Variants in DNM2 observed in about 807,000 individuals in gnomAD.
DNM2 encodes the protein dynamin 2.
Under a neutral mutation model 99.0 loss-of-function variants are expected in DNM2, and 15 were observed. That is an observed-to-expected ratio of 0.15 (90% confidence interval 0.10 to 0.23). The LOEUF is 0.23. Ranked by LOEUF, DNM2 falls within the 10% of genes least tolerant of loss-of-function variation. The pLI is 1.00. For synonymous variants in DNM2, 525 were observed against 481.2 expected (o/e 1.09, Z -1.19); for missense variants, 742 against 1,189.4 (o/e 0.62, Z 5.53).
chr19:10,753,115 C>T (rs558749902), intron 1 of DNM2, among the ~76,000 whole-genome samples: 37 of 152,124 alleles, frequency 2.4e-4, no homozygotes, highest in Non-Finnish European at 4.4e-4. Flanking sequence ...CAGAGTGAGA[C>T]CCTGTCTCTA....
chr19:10,803,392 T>A (rs1472303501), intron 12 of DNM2, among the ~76,000 whole-genome samples: 1 of 152,164 alleles, frequency 6.6e-6, no homozygotes, highest in Admixed American at 6.5e-5. Flanking sequence ...GAACCCCTCC[T>A]AGAGATGAGC....
chr19:10,827,389 T>C (rs1404682698), intron 18 of DNM2, among the ~76,000 whole-genome samples: 1 of 152,164 alleles, frequency 6.6e-6, no homozygotes, highest in East Asian at 1.9e-4. Flanking sequence ...AATTATCCAT[T>C]TTTAATAGAC....
chr19:10,801,682 G>A (rs1353896105), intron 11 of DNM2, among the ~76,000 whole-genome samples: 1 of 150,842 alleles, frequency 6.6e-6, no homozygotes, highest in Non-Finnish European at 1.5e-5. Context: ...CGAGGCGGGC[G>A]GATCATGAGG....
Position 10,817,933 on chromosome 19 carries a change from AGTTACT to A in DNM2, c.1672-2046_1672-2041del, listed in dbSNP as rs1167443796. On this transcript the variant is annotated intron_variant, in intron 15 of 20. Coordinates refer to ENST00000389253, the MANE Select transcript of DNM2 (RefSeq NM_001005361.3). The surrounding 1 kb of genome is among the most constrained non-coding windows in gnomAD (Gnocchi z 4.6). ...CATTAGCTGGAATGGCCTGTGACTC[AGTTACT>A]TGGCCCTGCTGGCTGGAAGCTTCCG... Among the ~76,000 whole-genome samples the A allele has an allele frequency of 2.0e-5, 3 of 152,140 alleles. No individual in the cohort carries two copies. The South Asian group carries it at 6.2e-4, about 32-fold the overall frequency.
rs183270341 is a variant in DNM2, at chr19:10,761,833, G to A, written c.235+2022G>A. Reference sequence around the variant, plus strand: ...GGCGTGTCTCCAGTGAGAGACAGCAGCCGATGGGCCCACCACCTCTTCTTT... The same window carrying A: ...GGCGTGTCTCCAGTGAGAGACAGCAACCGATGGGCCCACCACCTCTTCTTT... On this transcript the variant is annotated intron_variant, in intron 2 of 20. Transcript: ENST00000389253. 7.9e-5 allele frequency among the ~76,000 whole-genome samples: 12 copies of A among 152,260 alleles called. No homozygotes were observed. In the East Asian group the frequency reaches 1.9e-3, roughly 24 times the overall value.
intron 7 of DNM2, among the ~76,000 whole-genome samples, chr19:10,789,254 A>T (rs1403472168): frequency 1.3e-5 from 2 of 152,174 alleles, no homozygotes; most frequent in Non-Finnish European, 2.9e-5. Context: ...AGCCTACTAG[A>T]CTGAAGGAAG....
At chr19:10,808,237 G>T (rs970603067) in intron 13 of DNM2, among the ~76,000 whole-genome samples, 5 of 152,118 alleles carry the variant, frequency 3.3e-5, no homozygotes, top group Non-Finnish European at 5.9e-5. Flanking sequence ...AGGGGTGGGG[G>T]CGGGGACTCC....
At chr19:10,797,234 G>T (rs758673158) in intron 9 of DNM2, 146 bp from the exon 10 acceptor site, 5 of 1,238,266 alleles carry the variant, frequency 4.0e-6, no homozygotes, top group Non-Finnish European at 5.7e-6. Flanking sequence ...GCAGCTTCCG[G>T]GGCAAATGCG....
At chr19:10,824,061 A>G in intron 17 of DNM2, 162 bp downstream of exon 17, 2 of 677,876 alleles carry the variant, frequency 3.0e-6, no homozygotes, top group South Asian at 3.4e-5. Flanking sequence ...AATTGGGGGT[A>G]CTTTGTCATC....
intron 1 of DNM2, among the ~76,000 whole-genome samples, chr19:10,722,600 C>T (rs1325293056): frequency 1.3e-5 from 2 of 152,076 alleles, no homozygotes; most frequent in African/African-American, 4.8e-5. Flanking sequence ...ACCTCGGCCT[C>T]CCAAAGTGCT....
Position 10,795,492 on chromosome 19 carries a change from C to A in DNM2, c.1196+53C>A. 1.2e-6 allele frequency: 2 copies of A among 1,605,592 alleles called. No homozygotes were observed. The highest frequency in any genetic ancestry group is 1.7e-6 in the Non-Finnish European group (2 of 1,173,002). On this transcript the variant is annotated intron_variant, in intron 9 of 20. Transcript: ENST00000389253. The surrounding 1 kb of genome is among the most constrained non-coding windows in gnomAD (Gnocchi z 4.2). ...GTTCCTTCCTCTCCGTGGTGCGACC[C>A]CCCAGCTAATTGGGTCACCCACACC... is the stretch of plus-strand genomic sequence containing the variant.
chr19:10,743,206 G>A (rs904838037), intron 1 of DNM2, among the ~76,000 whole-genome samples: 6 of 151,886 alleles, frequency 4.0e-5, no homozygotes, highest in African/African-American at 1.4e-4. Context: ...ACGCCCGGCC[G>A]TGATGCCAGC....
At chr19:10,759,702 G>T (rs374429222) in intron 1 of DNM2, 36 bp from the exon 2 acceptor site, 8 of 1,613,002 alleles carry the variant, frequency 5.0e-6, no homozygotes, top group Non-Finnish European at 6.8e-6. Flanking sequence ...CGATCCGGAC[G>T]CAAGAGTAAT....
chr19:10,782,677 T>C (rs1166774509), intron 5 of DNM2, among the ~76,000 whole-genome samples: 1 of 152,174 alleles, frequency 6.6e-6, no homozygotes, highest in Non-Finnish European at 1.5e-5. Flanking sequence ...TTCTCACCTA[T>C]CTTTGAATCT....
intron 1 of DNM2, among the ~76,000 whole-genome samples, chr19:10,719,693 C>T (rs1026360699): frequency 6.6e-6 from 1 of 152,198 alleles, no homozygotes; most frequent in African/African-American, 2.4e-5. Flanking sequence ...ATAACATCCT[C>T]CTCCTGTCAT....
At chr19:10,720,895 G>A (rs2068916785) in intron 1 of DNM2, among the ~76,000 whole-genome samples, 3 of 152,142 alleles carry the variant, frequency 2.0e-5, no homozygotes, top group Non-Finnish European at 4.4e-5. Context: ...AGCCTTATGA[G>A]GGAGGCATTG....
At chr19:10,800,616 C>T (rs1268296091) in intron 11 of DNM2, among the ~76,000 whole-genome samples, 1 of 152,250 alleles carries the variant, frequency 6.6e-6, no homozygotes, top group African/African-American at 2.4e-5. Context: ...GGTCCGAGTG[C>T]CTTGCCCTAC....
intron 2 of DNM2, among the ~76,000 whole-genome samples, chr19:10,771,945 C>T (rs2070993987): frequency 1.3e-5 from 2 of 152,256 alleles, no homozygotes; most frequent in South Asian, 4.1e-4. Flanking sequence ...GAAAGAGGCT[C>T]AGTCTATTCA....
chr19:10,824,410 G>A, intron 17 of DNM2: 1 of 204,294 alleles, frequency 4.9e-6, no homozygotes, highest in South Asian at 7.8e-5. Context: ...GCTTAGGCAG[G>A]AGATCGCTTA....
Sources: allele counts gnomAD v4.1 joint callset (sites outside exome capture counted in the v4.1 genomes callset), GRCh38; gene constraint gnomAD v4.1.1; non-coding constraint Gnocchi (gnomAD v3.1); transcripts MANE v1.5; gene names NCBI Gene and HGNC (gene_info 2026-07-23, HGNC 2026-07-21).